Variants in CAMTA1 observed in about 807,000 individuals in gnomAD.
CAMTA1 encodes calmodulin-binding transcription activator 1.
CAMTA1 carries 27 observed loss-of-function variants against 170.9 expected under a neutral mutation model. The observed-to-expected ratio is 0.16, with a 90% confidence interval of 0.12 to 0.22. The LOEUF is 0.22. Among genes scored for constraint, CAMTA1 ranks in the 10% least tolerant of loss-of-function variants. CAMTA1 has a pLI of 1.00. For synonymous variants in CAMTA1, 833 were observed against 891.5 expected (o/e 0.93, Z 1.17); for missense variants, 1,619 against 2,217.2 (o/e 0.73, Z 5.42).
At chr1:7,518,398 A>G (rs6682687) in intron 6 of CAMTA1, among the ~76,000 whole-genome samples, 118,685 of 151,562 alleles carry the variant, frequency 0.78, 46,973 homozygotes, top group African/African-American at 0.88. Flanking sequence ...CAACTTCACC[A>G]GGAGCCCAGT....
intron 5 of CAMTA1, among the ~76,000 whole-genome samples, chr1:7,380,004 A>G (rs1259287159): frequency 6.6e-6 from 1 of 152,236 alleles, no homozygotes; most frequent in Non-Finnish European, 1.5e-5. Flanking sequence ...TGTGGAGGAT[A>G]ATGGCAATTT....
intron 3 of CAMTA1, among the ~76,000 whole-genome samples, chr1:6,861,822 G>A (rs1324281721): frequency 6.6e-6 from 1 of 152,044 alleles, no homozygotes; most frequent in African/African-American, 2.4e-5. Flanking sequence ...TTCTCATCTT[G>A]TAAAACCGAA....
chr1:7,422,275 A>G (rs2091613193), intron 5 of CAMTA1, among the ~76,000 whole-genome samples: 3 of 151,926 alleles, frequency 2.0e-5, no homozygotes, highest in Non-Finnish European at 4.4e-5. Context: ...GGAGACAGTG[A>G]GTGATGCAAG....
chr1:6,858,482 G>A (rs1424803667), intron 3 of CAMTA1, among the ~76,000 whole-genome samples: 1 of 81,966 alleles, frequency 1.2e-5, no homozygotes, highest in African/African-American at 4.8e-5. Context: ...GTGTGTGTGT[G>A]TGTTGGGGGG....
At chr1:7,302,687 C>T (rs928362887) in intron 5 of CAMTA1, among the ~76,000 whole-genome samples, 1 of 152,226 alleles carries the variant, frequency 6.6e-6, no homozygotes, top group Non-Finnish European at 1.5e-5. Flanking sequence ...TATTGTGCTT[C>T]TCCCCATCCC....
rs545453639 is a variant in CAMTA1, at chr1:7,331,706, G to A, written c.438+82080G>A. 1.2e-3 allele frequency among the ~76,000 whole-genome samples: 190 copies of A among 152,264 alleles called. 1 individual carries two copies. The highest frequency in any genetic ancestry group is 2.4e-3 in the Non-Finnish European group (160 of 68,018). ...GAGCTGACCGTGGTCAGAACCATGT[G>A]CTCAGCAAGACAGGTAACCTCATGC... On this transcript the variant is annotated intron_variant, in intron 5 of 22. Coordinates refer to ENST00000303635, the MANE Select transcript of CAMTA1 (RefSeq NM_015215.4).
chr1:6,824,471 TAA>T (rs1163528093), intron 2 of CAMTA1, among the ~76,000 whole-genome samples: 1 of 152,196 alleles, frequency 6.6e-6, no homozygotes, highest in African/African-American at 2.4e-5. Flanking sequence ...TGAAATACAT[TAA>T]TTATGTAGAT....
intron 3 of CAMTA1, among the ~76,000 whole-genome samples, chr1:6,929,034 A>T (rs1683878230): frequency 6.6e-6 from 1 of 152,180 alleles, no homozygotes; most frequent in East Asian, 1.9e-4. Context: ...AATAGAAGGG[A>T]CTTAAGGGCC....
At chr1:7,032,770 C>G (rs78069567) in intron 3 of CAMTA1, among the ~76,000 whole-genome samples, 1,976 of 151,830 alleles carry the variant, frequency 0.013, 21 homozygotes, top group East Asian at 0.044. Flanking sequence ...GTTTTTGTAT[C>G]TATAAAAAAG....
At chr1:7,601,573 G>A (rs1216247003) in intron 6 of CAMTA1, among the ~76,000 whole-genome samples, 1 of 152,234 alleles carries the variant, frequency 6.6e-6, no homozygotes, top group African/African-American at 2.4e-5. Context: ...TCGGCACTTT[G>A]GGAGGCCAAG....
chr1:6,861,237 T>C (rs1271554511), intron 3 of CAMTA1, among the ~76,000 whole-genome samples: 3 of 152,140 alleles, frequency 2.0e-5, no homozygotes, highest in Admixed American at 6.5e-5. Context: ...ATTACAGGCA[T>C]GAGCCACTGC....
chr1:7,474,880 A>G (rs904684814), intron 6 of CAMTA1, among the ~76,000 whole-genome samples: 1 of 152,202 alleles, frequency 6.6e-6, no homozygotes, highest in Admixed American at 6.5e-5. Context: ...ACCCCACTCC[A>G]GGACCATGCC....
intron 3 of CAMTA1, among the ~76,000 whole-genome samples, chr1:6,894,055 A>T (rs1675136797): frequency 6.6e-6 from 1 of 152,262 alleles, no homozygotes; most frequent in African/African-American, 2.4e-5. Flanking sequence ...GAAAATGAAG[A>T]TTGATGCTTT....
At chr1:7,126,049 A>G (rs1004601381) in intron 4 of CAMTA1, among the ~76,000 whole-genome samples, 1 of 152,148 alleles carries the variant, frequency 6.6e-6, no homozygotes, top group Non-Finnish European at 1.5e-5. Flanking sequence ...GAGGTAAGAG[A>G]GAGAATGAGA....
At chr1:7,292,732 T>C (rs1205928661) in intron 5 of CAMTA1, among the ~76,000 whole-genome samples, 1 of 152,210 alleles carries the variant, frequency 6.6e-6, no homozygotes, top group Non-Finnish European at 1.5e-5. Flanking sequence ...AATCCTTGCA[T>C]GCGTTTCTGC....
At chr1:6,893,374 T>G (rs1485035718) in intron 3 of CAMTA1, among the ~76,000 whole-genome samples, 2 of 152,236 alleles carry the variant, frequency 1.3e-5, no homozygotes, top group African/African-American at 4.8e-5. Context: ...AGGAGCCTCT[T>G]TGGCGTGGGT....
rs923158413 is a variant in CAMTA1, at chr1:7,286,446, C to T, written c.438+36820C>T. Among the ~76,000 whole-genome samples, 2 of 152,132 alleles carry T rather than the reference C, an allele frequency of 1.3e-5. No individual in the cohort carries two copies. Among genetic ancestry groups the T allele is most frequent in the African/African-American group, 2.4e-5 (1 of 41,414 alleles). On this transcript the variant is annotated intron_variant, in intron 5 of 22. Transcript: ENST00000303635. This position sits in a 1 kb window ranked among gnomAD's most constrained non-coding sequence, Gnocchi z 4.2. The stretch of plus-strand genomic sequence containing the variant: ...CTTCCATGACAGGTGCATCTGTGGC[C>T]GTGGCATCCAATCTCTTCTCTTTGG...
intron 5 of CAMTA1, among the ~76,000 whole-genome samples, chr1:7,258,752 C>T (rs146106716): frequency 7.2e-5 from 11 of 152,264 alleles, no homozygotes; most frequent in Admixed American, 1.3e-4. Flanking sequence ...TGCTGGGGAA[C>T]GTTGCTGGGG....
At chr1:6,963,374 C>A (rs1176447215) in intron 3 of CAMTA1, among the ~76,000 whole-genome samples, 3 of 149,116 alleles carry the variant, frequency 2.0e-5, no homozygotes, top group East Asian at 4.0e-4. Flanking sequence ...TCTGGAGCCA[C>A]CCCTCTTTCC....
Sources: gnomAD v4.1 joint callset for allele counts (sites outside exome capture counted in the v4.1 genomes callset) on GRCh38, gnomAD v4.1.1 for gene constraint, Gnocchi (gnomAD v3.1) non-coding constraint, MANE v1.5 for transcripts, NCBI Gene and HGNC (gene_info 2026-07-23, HGNC 2026-07-21) for gene names.